Variants in PNISR observed in about 807,000 individuals in gnomAD.
PNISR encodes the protein PNN interacting serine and arginine rich protein.
In PNISR, 20 loss-of-function variants were observed where a neutral mutation model predicts 93.4. The observed-to-expected ratio is 0.21, with a 90% confidence interval of 0.15 to 0.31. PNISR has a LOEUF of 0.31. Among genes scored for constraint, PNISR ranks in the 10% least tolerant of loss-of-function variants. PNISR has a pLI of 1.00. For missense variants in PNISR, 893 were observed against 985.4 expected, an observed-to-expected ratio of 0.91 and a Z score of 1.25; for synonymous variants, 305 against 306.5, an observed-to-expected ratio of 0.99 and a Z score of 0.05.
Position 99,403,869 on chromosome 6 carries a change from CTGTTTT to C in PNISR, c.1110_1115del (p.Lys371_Gln372del). 1 of 1,613,448 alleles carries C rather than the reference CTGTTTT, an allele frequency of 6.2e-7. No individual in the cohort carries two copies. ...AAGCCAGTGCACTGGACTGTGCCAGCTGTTTTGCAGGAGCTTTGTATCACATCAACA... is the reference window on the plus strand; with the variant it reads ...AAGCCAGTGCACTGGACTGTGCCAGCGCAGGAGCTTTGTATCACATCAACA... On this transcript the variant is annotated inframe_deletion, in exon 10 of 12. Transcript: ENST00000369239.
At chr6:99,415,224 A>C (rs1269501687) in intron 2 of PNISR, 2 of 152,262 alleles carry the variant, frequency 1.3e-5, no homozygotes, top group Non-Finnish European at 2.9e-5. Context: ...TTGCCAAAAT[A>C]TCACCCCTAC....
In PNISR at chr6:99,408,069, G is replaced by T; in HGVS notation, c.864+12C>A. ...TTTTCACATGGAGTTTCATGTTGGG[G>T]ATTCTACTTACAAATTTACTTCTCT... On this transcript the variant is annotated intron_variant, in intron 7 of 11. Transcript: ENST00000369239. The T allele has an allele frequency of 6.4e-7, 1 of 1,560,960 alleles. No individual in the cohort carries two copies. Among genetic ancestry groups the T allele is most frequent in the Non-Finnish European group, 8.7e-7 (1 of 1,152,578 alleles).
At chr6:99,404,572 G>A (rs1427190044) in intron 9 of PNISR, 31 bp downstream of exon 9, 6 of 1,257,244 alleles carry the variant, frequency 4.8e-6, no homozygotes. Flanking sequence ...AATACCCCAG[G>A]AAAAGCAAAA....
chr6:99,421,029 T>C (rs1036590533), intron 1 of PNISR, among the ~76,000 whole-genome samples: 1 of 152,232 alleles, frequency 6.6e-6, no homozygotes, highest in African/African-American at 2.4e-5. Flanking sequence ...CCAATATTGC[T>C]ACTGTGATTT....
chr6:99,420,137 T>A (rs1778352504), intron 1 of PNISR, among the ~76,000 whole-genome samples: 1 of 152,112 alleles, frequency 6.6e-6, no homozygotes, highest in Non-Finnish European at 1.5e-5. Flanking sequence ...CCCGCCTCAG[T>A]CCCCAAAGTG....
chr6:99,424,939 G>A (rs1484916493), intron 1 of PNISR: 2 of 305,062 alleles, frequency 6.6e-6, no homozygotes, highest in East Asian at 5.3e-5. Context: ...GGCCGGTCAG[G>A]AACCCAACAA....
intron 11 of PNISR, 94 bp downstream of exon 11, chr6:99,402,446 G>C: frequency 1.1e-6 from 1 of 919,018 alleles, no homozygotes; most frequent in Non-Finnish European, 1.6e-6. Context: ...TTATAATATA[G>C]CCTTTATTTT....
chr6:99,399,629 G>A lies in PNISR; in HGVS notation c.*911C>T, dbSNP rs969487469. ...TGGTGCACTGGCTTGATTGATTCCAGCAATTTCATTTTACAGGAGTGAACC... is the reference window on the plus strand; with the variant it reads ...TGGTGCACTGGCTTGATTGATTCCAACAATTTCATTTTACAGGAGTGAACC... On this transcript the variant is annotated 3_prime_UTR_variant, in exon 12 of 12. Coordinates refer to ENST00000369239, the MANE Select transcript of PNISR (RefSeq NM_032870.4). The A allele has an allele frequency of 6.6e-6, 1 of 151,982 alleles. No individual in the cohort carries two copies. Among genetic ancestry groups the A allele is most frequent in the African/African-American group, 2.4e-5 (1 of 41,384 alleles). 9.4% of individuals were successfully genotyped at this position (151,982 alleles called of 1,614,324 possible).
chr6:99,404,839 CG>C (rs1190498803), intron 8 of PNISR, 137 bp from the exon 9 acceptor site: 10 of 557,198 alleles, frequency 1.8e-5, no homozygotes, highest in Non-Finnish European at 2.9e-5. Flanking sequence ...ATCATACTGG[CG>C]TGATATTGGC....
At chr6:99,404,724 A>G in intron 8 of PNISR, 22 bp from the exon 9 acceptor site, 1 of 1,170,768 alleles carries the variant, frequency 8.5e-7, no homozygotes, top group Non-Finnish European at 1.3e-6. Context: ...CATTTTATAC[A>G]GTATTTCTAA....
chr6:99,419,152 C>CAAAAAAAAAAAAAAAAAAAAAAAAA lies in PNISR; in HGVS notation c.-111-2749_-111-2725dup, dbSNP rs1166838873. Among the ~76,000 whole-genome samples, 3 of 19,824 alleles carry CAAAAAAAAAAAAAAAAAAAAAAAAA rather than the reference C, an allele frequency of 1.5e-4. 1 individual carries two copies. The highest frequency in any genetic ancestry group is 5.3e-4 in the African/African-American group (3 of 5,684). 13.0% of individuals were successfully genotyped at this position (19,824 alleles called of 152,430 possible). ...TGGGTGCCAGAGCGAGACTCCGTCT[C>CAAAAAAAAAAAAAAAAAAAAAAAAA]AAAAAAAAAAAAAAAAAAAAAAAAA... On this transcript the variant is annotated intron_variant, in intron 1 of 11. Transcript: ENST00000369239.
intron 1 of PNISR, among the ~76,000 whole-genome samples, chr6:99,419,127 T>C (rs1778148126): frequency 9.0e-6 from 1 of 110,974 alleles, no homozygotes; most frequent in Non-Finnish European, 1.7e-5. Context: ...TCCACCAGCC[T>C]GGGTGCCAGA....
intron 4 of PNISR, among the ~76,000 whole-genome samples, chr6:99,411,239 T>G (rs1392416518): frequency 6.6e-6 from 1 of 152,206 alleles, no homozygotes; most frequent in Non-Finnish European, 1.5e-5. Flanking sequence ...AGCACTATTT[T>G]TGTTGAATTT....
At position 99,401,191 on chromosome 6, in the gene PNISR, T is replaced by C; in HGVS notation, c.1767A>G (p.Val589=). 1.2e-6 allele frequency: 2 copies of C among 1,614,048 alleles called. No individual in the cohort carries two copies. The highest frequency in any genetic ancestry group is 2.2e-5 in the East Asian group (1 of 44,888). Reference sequence around the variant, plus strand: ...TAGATCTCCTTCTATCTCTAATCTTTACCCTAGCCCTATTGCTCTCTATTT... The same window carrying C: ...TAGATCTCCTTCTATCTCTAATCTTCACCCTAGCCCTATTGCTCTCTATTT... ...RIKIESNRAR[V]KIRDRRRSNR... is the part of the protein sequence containing the mutation. The change falls in exon 12 of 12, where the codon GTA becomes GTG. Residue 589 remains valine, a synonymous_variant. Coordinates refer to ENST00000369239, the MANE Select transcript of PNISR (RefSeq NM_032870.4).
chr6:99,410,769 A>G lies in PNISR; in HGVS notation c.473T>C (p.Val158Ala). 2 of 1,614,020 alleles carry G rather than the reference A, an allele frequency of 1.2e-6. No homozygotes were observed. Among genetic ancestry groups the G allele is most frequent in the Non-Finnish European group, 1.7e-6 (2 of 1,179,916 alleles). The change falls in exon 5 of 12, where the codon GTG becomes GCG. Residue 158 changes from valine (V) to alanine (A), a missense_variant. Val to Ala is a moderately conservative substitution (Grantham distance 64). Around this residue, in one of 3 missense-constraint regions of PNISR, gnomAD observed 866 missense variants for 935.1 expected, o/e 0.93. Coordinates refer to ENST00000369239, the MANE Select transcript of PNISR (RefSeq NM_032870.4). Reference sequence around the variant, plus strand: ...ATAGTCAAACTGGTTCACTGGCCCCACTGCAAAATTATCGGGTGGTCCACC... The same window carrying G: ...ATAGTCAAACTGGTTCACTGGCCCCGCTGCAAAATTATCGGGTGGTCCACC... ...NFGGPPDNFAVGPVNQFDYQH... is the reference protein window; with the variant it reads ...NFGGPPDNFAAGPVNQFDYQH...
intron 11 of PNISR, among the ~76,000 whole-genome samples, 155 bp from the exon 12 acceptor site, chr6:99,401,785 A>T (rs1775533558): frequency 6.6e-6 from 1 of 152,254 alleles, no homozygotes. Context: ...TAGTAACCAC[A>T]TTAAAAAAGT....
chr6:99,401,860 T>A (rs1458590872), intron 11 of PNISR, among the ~76,000 whole-genome samples: 1 of 152,192 alleles, frequency 6.6e-6, no homozygotes, highest in Non-Finnish European at 1.5e-5. Flanking sequence ...ATAATAAATT[T>A]AAAAAAATTC....
rs969287036 is a variant in PNISR, at chr6:99,401,507, CTCT to C, written c.1448_1450del (p.Lys483del). On this transcript the variant is annotated inframe_deletion, in exon 12 of 12. Transcript: ENST00000369239. ...AACTGATGTGGTTTCATTTGGAGTT[CTCT>C]TCTTTTCATTAACCACATCACCGTC... The C allele has an allele frequency of 1.9e-6, 3 of 1,612,926 alleles. No homozygotes were observed. Among genetic ancestry groups the C allele is most frequent in the African/African-American group, 2.7e-5 (2 of 74,722 alleles).
Position 99,400,594 on chromosome 6 carries a change from T to C in PNISR, c.2364A>G (p.Gln788=). The C allele has an allele frequency of 6.2e-7, 1 of 1,614,078 alleles. No homozygotes were observed. Among genetic ancestry groups the C allele is most frequent in the Non-Finnish European group, 8.5e-7 (1 of 1,179,998 alleles). The stretch of plus-strand genomic sequence containing the variant: ...TGCGGCTTGCCTTCTTACCAGACCT[T>C]TGAGATTTCTCCACGGATCGCGATC... ...HSRSRSVEKS[Q]RSGKKASRKH... The change falls in exon 12 of 12, where the codon CAA becomes CAG. Residue 788 remains glutamine, a synonymous_variant. Coordinates refer to ENST00000369239, the MANE Select transcript of PNISR (RefSeq NM_032870.4).
Sources: allele counts gnomAD v4.1 joint callset (sites outside exome capture counted in the v4.1 genomes callset), GRCh38; gene constraint gnomAD v4.1.1; regional missense constraint gnomAD v4.1.1; transcripts MANE v1.5; gene names NCBI Gene and HGNC (gene_info 2026-07-23, HGNC 2026-07-21).